Variants in TMEM260 observed in about 807,000 individuals in gnomAD.
TMEM260 encodes transmembrane protein 260, also known as protein O-mannosyl-transferase TMEM260.
In TMEM260, 82 loss-of-function variants were observed where a neutral mutation model predicts 88.9. The ratio of observed to expected loss-of-function variants is 0.92; its 90% CI spans 0.77 to 1.11. The LOEUF is 1.11. TMEM260 is among the 50% of genes least tolerant of loss of function. TMEM260 has a pLI of 0.00. For missense variants in TMEM260, 902 were observed against 853.4 expected (o/e 1.06, Z -0.71); for synonymous variants, 314 against 309.3 (o/e 1.02, Z -0.16).
At chr14:56,589,352 T>G (rs1885709520) in intron 3 of TMEM260, among the ~76,000 whole-genome samples, 1 of 152,134 alleles carries the variant, frequency 6.6e-6, no homozygotes, top group Non-Finnish European at 1.5e-5. Context: ...CAAATGGAAC[T>G]ATAGAATTCA....
Position 56,648,222 on chromosome 14 carries a change from G to A in TMEM260, c.*725G>A, listed in dbSNP as rs1479068234. ...CTCAGAGATCTAGACCCAATAATTAGTAGGCTCCTGCTGCCAAAATGCAAA... is the reference window on the plus strand; with the variant it reads ...CTCAGAGATCTAGACCCAATAATTAATAGGCTCCTGCTGCCAAAATGCAAA... On this transcript the variant is annotated 3_prime_UTR_variant, in exon 16 of 16. Transcript: ENST00000261556. 6.6e-6 allele frequency: 1 copy of A among 151,990 alleles called. No individual in the cohort carries two copies. The highest frequency in any genetic ancestry group is 1.5e-5 in the Non-Finnish European group (1 of 68,022). 9.4% of individuals were successfully genotyped at this position (151,990 alleles called of 1,614,324 possible).
rs1311872542 is a variant in TMEM260, at chr14:56,648,175, TTA to T, written c.*680_*681del. The T allele has an allele frequency of 6.6e-6, 1 of 152,150 alleles. No homozygotes were observed. The highest frequency in any genetic ancestry group is 1.9e-4 in the East Asian group (1 of 5,196). 9.4% of individuals were successfully genotyped at this position (152,150 alleles called of 1,614,324 possible). On this transcript the variant is annotated 3_prime_UTR_variant, in exon 16 of 16. Coordinates refer to ENST00000261556, the MANE Select transcript of TMEM260 (RefSeq NM_017799.4). ...TGCATTTACTTAATTAATTTTATAT[TTA>T]TGTTTTATTTCTATTTGGACTCAGA... is the stretch of plus-strand genomic sequence containing the variant.
chr14:56,614,147 GAT>G (rs953576798), intron 7 of TMEM260, among the ~76,000 whole-genome samples: 1 of 149,698 alleles, frequency 6.7e-6, no homozygotes, highest in African/African-American at 2.5e-5. Context: ...GACCTCAGGT[GAT>G]CCACCTGCCT....
At chr14:56,658,439 G>A in the TMEM260 span, among the ~76,000 whole-genome samples, 1 of 151,852 alleles carries the variant, frequency 6.6e-6, no homozygotes, top group Non-Finnish European at 1.5e-5. Context: ...TAGAGACGGG[G>A]TTTCACCATG....
intron 7 of TMEM260, among the ~76,000 whole-genome samples, chr14:56,614,400 A>G (rs1019641948): frequency 6.6e-6 from 1 of 151,922 alleles, no homozygotes; most frequent in Non-Finnish European, 1.5e-5. Flanking sequence ...AAAGATAAAG[A>G]CAGTCAAATG....
intron 6 of TMEM260, among the ~76,000 whole-genome samples, chr14:56,609,837 T>A (rs1225739441): frequency 6.6e-6 from 1 of 152,124 alleles, no homozygotes; most frequent in East Asian, 1.9e-4. Context: ...CTAAGACATA[T>A]TAGGGGAACA....
In TMEM260 at chr14:56,648,485, A is replaced by C. The variant is rs1037239571; in HGVS notation, c.*988A>C. The C allele has an allele frequency of 6.6e-6, 1 of 152,492 alleles. No individual in the cohort carries two copies. The highest frequency in any genetic ancestry group is 1.5e-5 in the Non-Finnish European group (1 of 68,006). The allele number at this position is 152,492 out of a possible 1,614,324, so 9.4% of individuals were successfully genotyped here. On this transcript the variant is annotated 3_prime_UTR_variant, in exon 16 of 16. Coordinates refer to ENST00000261556, the MANE Select transcript of TMEM260 (RefSeq NM_017799.4). ...ATCTGTAGGGCTTCTTTTCCCCCCA[A>C]TTGTATAGCTCCTAGACTCCAAGCA...
intron 15 of TMEM260, among the ~76,000 whole-genome samples, chr14:56,646,666 C>A (rs1366756062): frequency 6.6e-6 from 1 of 152,184 alleles, no homozygotes; most frequent in African/African-American, 2.4e-5. Flanking sequence ...CAGTATCTCA[C>A]TTTATGGATA....
chr14:56,647,186 GAA>G (rs34295946), intron 15 of TMEM260, 55 bp from the exon 16 acceptor site: 22 of 1,160,036 alleles, frequency 1.9e-5, no homozygotes, highest in Middle Eastern at 2.1e-4. Flanking sequence ...TTTTGTTTTT[GAA>G]AAAAAAAAAG....
intron 15 of TMEM260, among the ~76,000 whole-genome samples, chr14:56,638,948 C>T (rs150124672): frequency 6.6e-6 from 1 of 152,006 alleles, no homozygotes; most frequent in African/African-American, 2.4e-5. Flanking sequence ...ATGGGCTTCT[C>T]AAGATATGGT....
At chr14:56,615,256 T>G (rs1317988559) in intron 7 of TMEM260, among the ~76,000 whole-genome samples, 1 of 152,196 alleles carries the variant, frequency 6.6e-6, no homozygotes, top group African/African-American at 2.4e-5. Context: ...TGAGATGATG[T>G]ATAGAGTCAT....
At chr14:56,635,965 A>G (rs1347490389) in intron 14 of TMEM260, among the ~76,000 whole-genome samples, 3 of 152,116 alleles carry the variant, frequency 2.0e-5, no homozygotes, top group African/African-American at 7.2e-5. Context: ...CTGATCAAAG[A>G]TATACCATAT....
In TMEM260 at chr14:56,579,801, C is replaced by G. The variant is rs759813676; in HGVS notation, c.-114C>G. The G allele has an allele frequency of 1.6e-5, 17 of 1,087,238 alleles. No individual in the cohort carries two copies. The African/African-American group carries it at 2.1e-4, about 14-fold the overall frequency. The allele number at this position is 1,087,238 out of a possible 1,614,324, so 67.3% of individuals were successfully genotyped here. On this transcript the variant is annotated 5_prime_UTR_variant, in exon 1 of 16. Coordinates refer to ENST00000261556, the MANE Select transcript of TMEM260 (RefSeq NM_017799.4). ...GCGGTCCAACCCGCGGAGGCTCGAC[C>G]CGGAAGCCGCCGTGGCCGCCGCACA...
intron 3 of TMEM260, among the ~76,000 whole-genome samples, chr14:56,600,348 A>G (rs912689213): frequency 9.9e-5 from 15 of 152,190 alleles, no homozygotes; most frequent in African/African-American, 3.4e-4. Flanking sequence ...TGAAAAAATA[A>G]TGAGAAGTAT....
chr14:56,632,465 G>A (rs1888685085), intron 12 of TMEM260, among the ~76,000 whole-genome samples: 2 of 152,080 alleles, frequency 1.3e-5, no homozygotes, highest in African/African-American at 4.8e-5. Context: ...CCTGGCACCT[G>A]GGAAAGGAGA....
chr14:56,601,152 T>G lies in TMEM260; in HGVS notation c.345-2663T>G, dbSNP rs148024104. Among the ~76,000 whole-genome samples, 481 of 152,318 alleles carry G rather than the reference T, an allele frequency of 3.2e-3. 2 individuals are homozygous for G. The highest frequency in any genetic ancestry group is 0.011 in the African/African-American group (446 of 41,578). On this transcript the variant is annotated intron_variant, in intron 3 of 15. Transcript: ENST00000261556. ...ATTTTACTTTACATTCTTCAATTTT[T>G]AAAACCTTATGAAATATTTGAAAAG...
At chr14:56,603,297 T>A (rs1460562913) in intron 3 of TMEM260, among the ~76,000 whole-genome samples, 2 of 152,176 alleles carry the variant, frequency 1.3e-5, no homozygotes, top group African/African-American at 4.8e-5. Context: ...GTATAAGATA[T>A]TGAAATCATC....
intron 5 of TMEM260, among the ~76,000 whole-genome samples, chr14:56,605,941 A>G (rs149082512): frequency 6.6e-6 from 1 of 152,216 alleles, no homozygotes; most frequent in Non-Finnish European, 1.5e-5. Flanking sequence ...GGCTGAAAGG[A>G]CTTAAAGCAA....
intron 4 of TMEM260, among the ~76,000 whole-genome samples, chr14:56,604,249 G>A (rs1886756493): frequency 6.6e-6 from 1 of 152,018 alleles, no homozygotes; most frequent in African/African-American, 2.4e-5. Context: ...TCCCCTGTGT[G>A]TCCGGTGGGA....
Sources: gnomAD v4.1 joint callset for allele counts (sites outside exome capture counted in the v4.1 genomes callset) on GRCh38, gnomAD v4.1.1 for gene constraint, MANE v1.5 for transcripts, NCBI Gene and HGNC (gene_info 2026-07-23, HGNC 2026-07-21) for gene names.